GPR158: variants seen among roughly 807,000 people sequenced by gnomAD.
GPR158 encodes the protein metabotropic glycine receptor.
A neutral mutation model predicts 78.2 loss-of-function variants in GPR158; 30 were observed. The observed-to-expected ratio is 0.38, with a 90% CI of 0.29 to 0.52. The LOEUF (loss-of-function observed/expected upper bound fraction) is 0.52. Among genes scored for constraint, GPR158 ranks in the 20% least tolerant of loss-of-function variants. GPR158 has a pLI of 0.83. For missense variants in GPR158, 1,463 were observed against 1,523.5 expected (o/e 0.96, Z 0.66); for synonymous variants, 581 against 591.1 (o/e 0.98, Z 0.25).
chr10:25,579,002 T>A (rs1588921518), intron 7 of GPR158, among the ~76,000 whole-genome samples: 1 of 150,804 alleles, frequency 6.6e-6, no homozygotes, highest in African/African-American at 2.5e-5. Context: ...AGAGCAAGAC[T>A]CCGTCTCAAA....
chr10:25,304,480 C>T (rs59212475), intron 2 of GPR158, among the ~76,000 whole-genome samples: 30,777 of 151,974 alleles, frequency 0.2, 5,258 homozygotes, highest in African/African-American at 0.47. Flanking sequence ...TTGAGGATGC[C>T]ACCTAATCTC....
intron 2 of GPR158, among the ~76,000 whole-genome samples, chr10:25,336,845 T>C (rs963581167): frequency 6.6e-5 from 10 of 152,138 alleles, no homozygotes; most frequent in African/African-American, 2.4e-4. Flanking sequence ...CTTGGAACTG[T>C]CAACCTCTTG....
chr10:25,186,957 C>T (rs546273024), intron 1 of GPR158, among the ~76,000 whole-genome samples: 1 of 146,768 alleles, frequency 6.8e-6, no homozygotes, highest in Non-Finnish European at 1.5e-5. Context: ...TCCTCCCTAA[C>T]TCATTTTTTT....
chr10:25,270,834 T>C (rs1172961632), intron 2 of GPR158, among the ~76,000 whole-genome samples: 1 of 152,192 alleles, frequency 6.6e-6, no homozygotes, highest in Non-Finnish European at 1.5e-5. Flanking sequence ...TCTCTTTACA[T>C]CCATTATTGT....
chr10:25,252,136 A>G (rs988658141), intron 2 of GPR158, among the ~76,000 whole-genome samples: 1 of 152,006 alleles, frequency 6.6e-6, no homozygotes, highest in Non-Finnish European at 1.5e-5. Flanking sequence ...TTCTTCACAT[A>G]GTTCTCGAGC....
chr10:25,576,801 A>ACC (rs1837103861), intron 7 of GPR158, among the ~76,000 whole-genome samples: 1 of 152,182 alleles, frequency 6.6e-6, no homozygotes, highest in Non-Finnish European at 1.5e-5. Context: ...AGGCAATAAC[A>ACC]TTAGGGTCTC....
At chr10:25,376,845 A>G (rs1834087768) in intron 2 of GPR158, among the ~76,000 whole-genome samples, 1 of 151,532 alleles carries the variant, frequency 6.6e-6, no homozygotes, top group Non-Finnish European at 1.5e-5. Context: ...TATTTGTGTT[A>G]AGGAGTCAGC....
chr10:25,251,667 T>C (rs1307712091), intron 2 of GPR158, among the ~76,000 whole-genome samples: 1 of 151,544 alleles, frequency 6.6e-6, no homozygotes, highest in African/African-American at 2.4e-5. Context: ...CTTGTAGGGT[T>C]TCTGCCGAGA....
chr10:25,402,275 C>T (rs573398125), intron 3 of GPR158, among the ~76,000 whole-genome samples: 1 of 151,988 alleles, frequency 6.6e-6, no homozygotes, highest in African/African-American at 2.4e-5. Flanking sequence ...ATCTCAAAGT[C>T]GAAAAGAACA....
In GPR158 at chr10:25,597,863, C is replaced by G; in HGVS notation, c.2237C>G (p.Ser746Trp). 1 of 1,553,766 alleles carries G rather than the reference C, an allele frequency of 6.4e-7. No homozygotes were observed. The highest frequency in any genetic ancestry group is 8.7e-7 in the Non-Finnish European group (1 of 1,153,812). The stretch of plus-strand genomic sequence containing the variant: ...CCCCACCTCCAGAAAAAGCGGTGCT[C>G]GAAGAAGGGCCTAGGTCGTTCCATC... The part of the protein sequence containing the change: ...NNPHLQKKRC[S>W]KKGLGRSIMR... The change falls in exon 11 of 11, where the codon TCG becomes TGG. Residue 746 changes from serine (S) to tryptophan (W), a missense_variant. Coordinates refer to ENST00000376351, the MANE Select transcript of GPR158 (RefSeq NM_020752.3).
intron 2 of GPR158, among the ~76,000 whole-genome samples, chr10:25,359,771 A>T (rs1011355877): frequency 6.6e-6 from 1 of 152,190 alleles, no homozygotes; most frequent in Admixed American, 6.6e-5. Flanking sequence ...CTTTGGGTAT[A>T]TACCCAGTAA....
At chr10:25,266,523 C>G (rs1854046807) in intron 2 of GPR158, among the ~76,000 whole-genome samples, 1 of 152,078 alleles carries the variant, frequency 6.6e-6, no homozygotes, top group African/African-American at 2.4e-5. Flanking sequence ...TGGAATTAAA[C>G]AAATTGGGAA....
chr10:25,402,688 A>G (rs1428877976), intron 3 of GPR158, among the ~76,000 whole-genome samples: 1 of 152,038 alleles, frequency 6.6e-6, no homozygotes, highest in African/African-American at 2.4e-5. Context: ...TGGGTAAAGA[A>G]TATATTGGAT....
At chr10:25,398,364 C>T (rs1011636841) in intron 3 of GPR158, among the ~76,000 whole-genome samples, 5 of 151,984 alleles carry the variant, frequency 3.3e-5, no homozygotes, top group African/African-American at 7.3e-5. Flanking sequence ...ATGGCGACAC[C>T]GGAGCTACTC....
At chr10:25,441,325 T>C (rs190965021) in intron 4 of GPR158, among the ~76,000 whole-genome samples, 2 of 152,338 alleles carry the variant, frequency 1.3e-5, no homozygotes, top group Admixed American at 1.3e-4. Flanking sequence ...GTACTGGCCA[T>C]GCCAAGATAA....
intron 10 of GPR158, 110 bp downstream of exon 10, chr10:25,596,899 C>A: frequency 2.4e-6 from 2 of 844,358 alleles, no homozygotes; most frequent in South Asian, 1.7e-5. Flanking sequence ...CATGTTTGTG[C>A]ATGTATGTCT....
chr10:25,512,725 G>A (rs1229980979), intron 5 of GPR158, among the ~76,000 whole-genome samples: 1 of 147,114 alleles, frequency 6.8e-6, no homozygotes, highest in Admixed American at 6.6e-5. Context: ...ACTTTGCTGA[G>A]AGTTTTAATC....
chr10:25,216,563 G>A (rs972915871), intron 1 of GPR158, among the ~76,000 whole-genome samples: 1 of 152,056 alleles, frequency 6.6e-6, no homozygotes, highest in Non-Finnish European at 1.5e-5. Flanking sequence ...TGATTTAGGA[G>A]CTAAGGAAAA....
intron 1 of GPR158, among the ~76,000 whole-genome samples, chr10:25,182,130 A>C (rs1852618144): frequency 6.6e-6 from 1 of 152,212 alleles, no homozygotes; most frequent in South Asian, 2.1e-4. Context: ...CTTTATAATG[A>C]TCATTTACTC....
Sources: gnomAD v4.1 joint callset for allele counts (sites outside exome capture counted in the v4.1 genomes callset) on GRCh38, gnomAD v4.1.1 for gene constraint, MANE v1.5 for transcripts, NCBI Gene and HGNC (gene_info 2026-07-23, HGNC 2026-07-21) for gene names.